Variants in KMT2C observed in about 807,000 individuals in gnomAD.
KMT2C encodes lysine methyltransferase 2C.
A neutral mutation model predicts 507.9 loss-of-function variants in KMT2C; 88 were observed. The observed-to-expected ratio is 0.17, with a 90% CI of 0.15 to 0.21. The LOEUF is 0.21. Among genes scored for constraint, KMT2C ranks in the 10% least tolerant of loss-of-function variants. The pLI, the probability that KMT2C is intolerant of heterozygous loss-of-function variation, is 1.00. For synonymous variants in KMT2C, 2,049 were observed against 2,080.8 expected, an observed-to-expected ratio of 0.98 and a Z score of 0.42; for missense variants, 4,954 against 5,957.8, an observed-to-expected ratio of 0.83 and a Z score of 5.55.
At chr7:152,247,614 CTA>C (rs1253565332) in intron 14 of KMT2C, among the ~76,000 whole-genome samples, 1 of 152,308 alleles carries the variant, frequency 6.6e-6, no homozygotes, top group African/African-American at 2.4e-5. Context: ...CAGCACAGAA[CTA>C]AAAGAATTTT....
Position 152,215,594 on chromosome 7 carries a change from T to C in KMT2C, c.3712+4929A>G, listed in dbSNP as rs10242296. Among the ~76,000 whole-genome samples the C allele has an allele frequency of 7.6e-3, 1,127 of 147,654 alleles. 19 individuals carry two copies. Among genetic ancestry groups the C allele is most frequent in the African/African-American group, 0.027 (1,087 of 39,778 alleles). The stretch of plus-strand genomic sequence containing the variant: ...CAGGGGAAAGAACAGGTAAGTTAAA[T>C]TGCTTATATTTCCATACAAAGGAAT... On this transcript the variant is annotated intron_variant, in intron 23 of 58. Coordinates refer to ENST00000262189, the MANE Select transcript of KMT2C (RefSeq NM_170606.3).
chr7:152,278,139 G>A (rs193011537), intron 6 of KMT2C, among the ~76,000 whole-genome samples: 2 of 152,252 alleles, frequency 1.3e-5, no homozygotes, highest in Admixed American at 1.3e-4. Flanking sequence ...TGCTGTCCTT[G>A]CGATAACGAG....
chr7:152,365,554 TTTC>T (rs979189804), intron 1 of KMT2C, among the ~76,000 whole-genome samples: 6 of 152,176 alleles, frequency 3.9e-5, no homozygotes, highest in African/African-American at 1.4e-4. Flanking sequence ...TTCCTCCTTT[TTTC>T]TTTTCTTCTT....
intron 18 of KMT2C, among the ~76,000 whole-genome samples, chr7:152,226,990 A>C (rs1397838675): frequency 2.6e-5 from 4 of 152,178 alleles, no homozygotes; most frequent in Non-Finnish European, 5.9e-5. Flanking sequence ...ATTTATCTTC[A>C]TTCCTACTAA....
At chr7:152,219,506 G>A (rs2094698082) in intron 23 of KMT2C, among the ~76,000 whole-genome samples, 1 of 151,716 alleles carries the variant, frequency 6.6e-6, no homozygotes, top group African/African-American at 2.4e-5. Context: ...TGCTACTTGA[G>A]AGGCTGAGGC....
chr7:152,207,406 A>G lies in KMT2C; in HGVS notation c.3735T>C (p.Asp1245=). ...GCTCAGGACTAGATTCTGATTTTCC[A>G]TCACAATCCATAAGTTCTCCTTCTG... ...DSREGELMDC[D]GKSESSPERE... is the part of the protein sequence containing the mutation. Residue 1245 remains aspartate, a synonymous_variant, in exon 24 of 59, where the codon GAT becomes GAC. Transcript: ENST00000262189. 6.2e-7 allele frequency: 1 copy of G among 1,600,402 alleles called. No homozygotes were observed. Among genetic ancestry groups the G allele is most frequent in the South Asian group, 1.1e-5 (1 of 88,726 alleles).
chr7:152,292,016 TA>T (rs1173572108), intron 6 of KMT2C, among the ~76,000 whole-genome samples: 1 of 152,214 alleles, frequency 6.6e-6, no homozygotes, highest in Non-Finnish European at 1.5e-5. Flanking sequence ...TCTGCTGTGA[TA>T]AAATTTTGTT....
In KMT2C at chr7:152,136,813, A is replaced by C. The variant is rs538460804; in HGVS notation, c.*19T>G. ...CTTCCTAGGGACAAGCCGCCCGCTGAGCTAGCAAGGAATGCATTTCAGTTC... is the reference window on the plus strand; with the variant it reads ...CTTCCTAGGGACAAGCCGCCCGCTGCGCTAGCAAGGAATGCATTTCAGTTC... On this transcript the variant is annotated 3_prime_UTR_variant, in exon 59 of 59. Coordinates refer to ENST00000262189, the MANE Select transcript of KMT2C (RefSeq NM_170606.3). 3 of 1,585,302 alleles carry C rather than the reference A, an allele frequency of 1.9e-6. No homozygotes were observed. In the East Asian group the frequency reaches 6.7e-5, roughly 35 times the overall value.
rs1420303634 is a variant in KMT2C at position 152,180,085 on chromosome 7, C to T, written c.7191G>A (p.Gln2397=). 13 of 1,614,110 alleles carry T rather than the reference C, an allele frequency of 8.1e-6. No individual in the cohort carries two copies. The highest frequency in any genetic ancestry group is 1.0e-5 in the Non-Finnish European group (12 of 1,180,044). ...LREIILQQQQ[Q]KKIAGRQEKG... ...TCTCCTGTCGACCTGCAATCTTCTT[C>T]TGCTGTTGCTGCTGGAGAATGATTT... Residue 2397 remains glutamine (Q), a synonymous_variant, in exon 37 of 59, where the codon CAG becomes CAA. Transcript: ENST00000262189.
chr7:152,285,436 T>G (rs565843816), intron 6 of KMT2C, among the ~76,000 whole-genome samples: 2 of 152,408 alleles, frequency 1.3e-5, no homozygotes, highest in East Asian at 3.8e-4. Flanking sequence ...ATACACACCT[T>G]AGAAAGGGTG....
intron 9 of KMT2C, among the ~76,000 whole-genome samples, 182 bp downstream of exon 9, chr7:152,262,834 G>A (rs10233185): frequency 2.0e-5 from 3 of 152,112 alleles, no homozygotes; most frequent in African/African-American, 4.8e-5. Flanking sequence ...ACTTTTGAGG[G>A]TGATGACTAT....
At chr7:152,219,392 CCTG>C (rs1277933672) in intron 23 of KMT2C, among the ~76,000 whole-genome samples, 1 of 152,020 alleles carries the variant, frequency 6.6e-6, no homozygotes, top group African/African-American at 2.4e-5. Flanking sequence ...GAGAATTCTA[CCTG>C]CTTTGTACAC....
chr7:152,150,853 A>G, intron 51 of KMT2C, 47 bp downstream of exon 51: 1 of 1,269,994 alleles, frequency 7.9e-7, no homozygotes, highest in Non-Finnish European at 1.2e-6. Flanking sequence ...AGAACACAGA[A>G]GTCACTCGTT....
chr7:152,187,815 G>C lies in KMT2C; in HGVS notation c.4693C>G (p.Leu1565Val), dbSNP rs145611189. The C allele has an allele frequency of 3.2e-5, 52 of 1,613,852 alleles. No individual in the cohort carries two copies. The African/African-American group carries it at 6.9e-4, about 22-fold the overall frequency. ...AFSRMPLMNG[L>V]IGSSPHLPHN... ...GGGAGATGAGGACTGGATCCAATAA[G>C]GCCATTCATGAGAGGCATCCGTGAA... Residue 1565 changes from leucine to valine, a missense_variant, in exon 32 of 59, where the codon CTT becomes GTT. Physicochemically the swap from Leu to Val is conservative, Grantham distance 32 (BLOSUM62 1). This residue lies in a region of KMT2C where 195 missense variants were observed against 183.7 expected (regional missense o/e 1.06). Transcript: ENST00000262189.
intron 2 of KMT2C, among the ~76,000 whole-genome samples, chr7:152,339,526 T>A (rs900765874): frequency 6.6e-6 from 1 of 152,220 alleles, no homozygotes; most frequent in Non-Finnish European, 1.5e-5. Flanking sequence ...TTTGGCTTAT[T>A]TTTATTTCAA....
intron 6 of KMT2C, among the ~76,000 whole-genome samples, chr7:152,292,605 C>A (rs1416052936): frequency 6.6e-6 from 1 of 152,092 alleles, no homozygotes; most frequent in African/African-American, 2.4e-5. Context: ...AGGTAAAAAA[C>A]ATTTTTAGCT....
intron 6 of KMT2C, among the ~76,000 whole-genome samples, chr7:152,286,899 C>T (rs536521512): frequency 6.6e-6 from 1 of 152,336 alleles, no homozygotes; most frequent in South Asian, 2.1e-4. Context: ...GTCAAAAAAG[C>T]AGGGAAGCGG....
intron 1 of KMT2C, among the ~76,000 whole-genome samples, chr7:152,399,463 A>T (rs2097557920): frequency 6.6e-6 from 1 of 152,178 alleles, no homozygotes; most frequent in Non-Finnish European, 1.5e-5. Context: ...AAACTAGTGA[A>T]CCTAGCATGG....
intron 8 of KMT2C, among the ~76,000 whole-genome samples, chr7:152,264,635 T>C (rs1237207168): frequency 6.6e-6 from 1 of 152,164 alleles, no homozygotes; most frequent in African/African-American, 2.4e-5. Context: ...AGTTAGACGT[T>C]TAAATCCTAT....
Sources: allele counts gnomAD v4.1 joint callset (sites outside exome capture counted in the v4.1 genomes callset), GRCh38; gene constraint gnomAD v4.1.1; regional missense constraint gnomAD v4.1.1; transcripts MANE v1.5; gene names NCBI Gene and HGNC (gene_info 2026-07-23, HGNC 2026-07-21).